Variants in MIB2 observed in about 807,000 individuals in gnomAD.
MIB2 encodes MIB E3 ubiquitin protein ligase 2.
A neutral mutation model predicts 96.6 loss-of-function variants in MIB2; 78 were observed. The observed-to-expected ratio is 0.81, with a 90% CI of 0.67 to 0.97. The LOEUF (loss-of-function observed/expected upper bound fraction) is 0.97. Among genes scored for constraint, MIB2 ranks in the 50% least tolerant of loss-of-function variants. The probability of loss-of-function intolerance (pLI) is 0.00; values close to 1 mark genes in which losing one functional copy is unlikely to be tolerated. For synonymous variants in MIB2, 820 were observed against 629.5 expected (o/e 1.30, Z -4.53); for missense variants, 1,543 against 1,424.0 (o/e 1.08, Z -1.35).
At position 1,628,147 on chromosome 1, in the gene MIB2, G is replaced by C. The variant is rs773906649; in HGVS notation, c.1809G>C (p.Leu603=). The change falls in exon 14 of 20, where the codon CTG becomes CTC. Residue 603 remains leucine, a synonymous_variant. Coordinates refer to ENST00000355826, the MANE Select transcript of MIB2 (RefSeq NM_001170687.4). ...CCACCAACAGCCAGGGTTTCACCCT[G>C]CTGCACCATGCCTCCCTCAAGGGTC... ...VTATNSQGFT[L]LHHASLKGHA... The C allele has an allele frequency of 1.9e-6, 3 of 1,613,314 alleles. No individual in the cohort carries two copies. The highest frequency in any genetic ancestry group is 1.7e-6 in the Non-Finnish European group (2 of 1,180,026).
At position 1,630,592 on chromosome 1, in the gene MIB2, GAA is replaced by G; in HGVS notation, c.*64_*65del. The G allele has an allele frequency of 2.2e-6, 3 of 1,339,144 alleles. No individual in the cohort carries two copies. The highest frequency in any genetic ancestry group is 1.5e-5 in the African/African-American group (1 of 65,686). The allele number at this position is 1,339,144 out of a possible 1,614,324, so 83.0% of individuals were successfully genotyped here. The stretch of plus-strand genomic sequence containing the variant: ...GCCCCCGCCCTGTGTTTTATAAAAA[GAA>G]AGATTCTCGGACGTTGCCTCTGCTG... On this transcript the variant is annotated 3_prime_UTR_variant, in exon 20 of 20. Coordinates refer to ENST00000355826, the MANE Select transcript of MIB2 (RefSeq NM_001170687.4).
At position 1,629,256 on chromosome 1, in the gene MIB2, C is replaced by T. The variant is rs1037089578; in HGVS notation, c.2326C>T (p.Leu776=). ...TNHRGRSPLD[L]AAEGRVLKAL... ...CCACCGCGGTCGGAGCCCGCTGGAC[C>T]TGGCCGCCGAGGGTCGCGTGCTCAA... Residue 776 remains leucine (L), a synonymous_variant, in exon 17 of 20, where the codon CTG becomes TTG. Coordinates refer to ENST00000355826, the MANE Select transcript of MIB2 (RefSeq NM_001170687.4). 3.9e-6 allele frequency: 6 copies of T among 1,545,686 alleles called. No homozygotes were observed. The highest frequency in any genetic ancestry group is 2.8e-5 in the African/African-American group (2 of 70,180).
chr1:1,629,761 C>T, intron 19 of MIB2, 57 bp downstream of exon 19: 1 of 1,489,918 alleles, frequency 6.7e-7, no homozygotes. Flanking sequence ...GCCCGCGGGT[C>T]CCCGTCCCCC....
rs543519928 is a variant in MIB2, at chr1:1,627,165, C to T, written c.1332C>T (p.Asn444=). Residue 444 remains asparagine (N), a synonymous_variant, in exon 11 of 20, where the codon AAC becomes AAT. Coordinates refer to ENST00000355826, the MANE Select transcript of MIB2 (RefSeq NM_001170687.4). ...TGGTGGTGGAGGTGGCGCTGGGTAA[C>T]GCAGCCCGGGCTCTGGACCTGCTGC... is the stretch of plus-strand genomic sequence containing the variant. ...GRLVVEVALG[N]AARALDLLRR... The T allele has an allele frequency of 8.3e-5, 132 of 1,590,400 alleles. No homozygotes were observed. Among genetic ancestry groups the T allele is most frequent in the Non-Finnish European group, 1.0e-4 (118 of 1,169,116 alleles).
At position 1,615,584 on chromosome 1, in the gene MIB2, G is replaced by C; in HGVS notation, c.-179G>C. ...GGCCTGGGAGCCCGAAGCCGTCCCC[G>C]AGTCGCTCCTAGGTCACTGGCGCGA... On this transcript the variant is annotated 5_prime_UTR_variant, in exon 1 of 20. Coordinates refer to ENST00000355826, the MANE Select transcript of MIB2 (RefSeq NM_001170687.4). 5.8e-6 allele frequency: 9 copies of C among 1,551,316 alleles called. No homozygotes were observed. Among genetic ancestry groups the C allele is most frequent in the Non-Finnish European group, 7.8e-6 (9 of 1,152,506 alleles).
Position 1,626,718 on chromosome 1 carries a change from G to A in MIB2, c.1041G>A (p.Gln347=), listed in dbSNP as rs771066464. The A allele has an allele frequency of 1.2e-6, 2 of 1,600,944 alleles. No individual in the cohort carries two copies. Among genetic ancestry groups the A allele is most frequent in the South Asian group, 1.1e-5 (1 of 89,812 alleles). The change falls in exon 9 of 20, where the codon CAG becomes CAA. Residue 347 remains glutamine (Q), a synonymous_variant. Coordinates refer to ENST00000355826, the MANE Select transcript of MIB2 (RefSeq NM_001170687.4). This position sits in a 1 kb window ranked among gnomAD's most constrained non-coding sequence, Gnocchi z 5.3. ...ACCTTGACACAGTGAAGCGGCTGCA[G>A]GCTGGGCATGGCGAGTGGACGGACG... ...IGDLDTVKRL[Q]AGHGEWTDDM...
chr1:1,625,543 C>T lies in MIB2; in HGVS notation c.865-3C>T. ...CCAGCCACAGCTCCATGACCCGCCA[C>T]AGTTTATCGGACAGACGGGCACCGT... On this transcript the variant is annotated splice_polypyrimidine_tract_variant and splice_region_variant and intron_variant, in intron 7 of 19. Coordinates refer to ENST00000355826, the MANE Select transcript of MIB2 (RefSeq NM_001170687.4). The surrounding 1 kb of genome is among the most constrained non-coding windows in gnomAD (Gnocchi z 5.0). 6.4e-7 allele frequency: 1 copy of T among 1,574,652 alleles called. No individual in the cohort carries two copies. The highest frequency in any genetic ancestry group is 8.6e-7 in the Non-Finnish European group (1 of 1,160,036).
In MIB2 at chr1:1,623,635, C is replaced by A; in HGVS notation, c.183C>A (p.Arg61=). The part of the protein sequence containing the change: ...TVVVQWDQGT[R]TNYRAGYQGA... ...TCGTGCAGTGGGACCAGGGCACGCG[C>A]ACCAACTACCGCGCCGGCTACCAGG... is the stretch of plus-strand genomic sequence containing the variant. The change falls in exon 3 of 20, where the codon CGC becomes CGA. Residue 61 remains arginine, a synonymous_variant. Transcript: ENST00000355826. 1 of 1,479,242 alleles carries A rather than the reference C, an allele frequency of 6.8e-7. No homozygotes were observed. The highest frequency in any genetic ancestry group is 2.4e-5 in the Admixed American group (1 of 42,232). 91.6% of individuals were successfully genotyped at this position (1,479,242 alleles called of 1,614,324 possible). A position where few individuals can be genotyped will look rare whatever the true frequency, so the allele number is the denominator to read the frequency against.
chr1:1,627,063 C>T lies in MIB2; in HGVS notation c.1241-11C>T. The T allele has an allele frequency of 4.4e-6, 7 of 1,600,672 alleles. No individual in the cohort carries two copies. The highest frequency in any genetic ancestry group is 1.7e-5 in the Admixed American group (1 of 58,186). Reference sequence around the variant, plus strand: ...GCCCCTGGCCACCACTAACCTCAGCCCTGCCCCCAGGCTCACTGAGCGTGG... The same window carrying T: ...GCCCCTGGCCACCACTAACCTCAGCTCTGCCCCCAGGCTCACTGAGCGTGG... On this transcript the variant is annotated splice_polypyrimidine_tract_variant and intron_variant, in intron 10 of 19. Transcript: ENST00000355826.
chr1:1,621,853 C>T (rs1644287410), intron 2 of MIB2, among the ~76,000 whole-genome samples: 1 of 152,248 alleles, frequency 6.6e-6, no homozygotes, highest in South Asian at 2.1e-4. Flanking sequence ...GCACTGGACT[C>T]AGTCTCCGGA....
chr1:1,616,857 C>T (rs987689897), intron 2 of MIB2: 41 of 443,712 alleles, frequency 9.2e-5, no homozygotes, highest in Middle Eastern at 1.2e-3. Flanking sequence ...AGCGCAGGAG[C>T]GCCGGCAAGC....
At chr1:1,617,197 CCA>C (rs1557552342) in intron 2 of MIB2, 4 of 153,174 alleles carry the variant, frequency 2.6e-5, no homozygotes, top group Admixed American at 2.0e-4. Context: ...CTGTGGCGTG[CCA>C]CACACAGCGG....
At chr1:1,617,323 A>G (rs1643842369) in intron 2 of MIB2, 1 of 152,296 alleles carries the variant, frequency 6.6e-6, no homozygotes, top group African/African-American at 2.4e-5. Flanking sequence ...TTCTCGCTAA[A>G]TAGGATTTGG....
At chr1:1,618,006 G>A (rs1569592966) in intron 2 of MIB2, 1 of 152,320 alleles carries the variant, frequency 6.6e-6, no homozygotes, top group Non-Finnish European at 1.5e-5. Flanking sequence ...GGAGGAGCAG[G>A]AGTGGCCACA....
At chr1:1,622,578 C>T (rs1043281517) in intron 2 of MIB2, among the ~76,000 whole-genome samples, 4 of 152,234 alleles carry the variant, frequency 2.6e-5, no homozygotes, top group Admixed American at 6.5e-5. Context: ...TGGCTACTTC[C>T]CTCCATCTGC....
In MIB2 at chr1:1,623,892, C is replaced by T. The variant is rs1644490023; in HGVS notation, c.366C>T (p.Asn122=). 1.2e-6 allele frequency: 2 copies of T among 1,612,156 alleles called. No individual in the cohort carries two copies. Among genetic ancestry groups the T allele is most frequent in the South Asian group, 1.1e-5 (1 of 91,028 alleles). ...TCTGCACGCAGTGCTACATGCACAACAAGCATGAGCTCGCCCACGCCTTCG... is the reference window on the plus strand; with the variant it reads ...TCTGCACGCAGTGCTACATGCACAATAAGCATGAGCTCGCCCACGCCTTCG... The part of the protein sequence containing the change: ...YDLCTQCYMH[N]KHELAHAFDR... The change falls in exon 4 of 20, where the codon AAC becomes AAT. Residue 122 remains asparagine, a synonymous_variant. Transcript: ENST00000355826.
At chr1:1,623,039 G>C (rs1447694540) in intron 2 of MIB2, 1 of 337,954 alleles carries the variant, frequency 3.0e-6, no homozygotes. Flanking sequence ...AACCATGTGA[G>C]TGTCTCGGGG....
chr1:1,625,570 C>T lies in MIB2; in HGVS notation c.889C>T (p.His297Tyr), dbSNP rs763022780. ...GTTTATCGGACAGACGGGCACCGTGCATCGTATCACGGACCGCGGGGACGT... is the reference window on the plus strand; with the variant it reads ...GTTTATCGGACAGACGGGCACCGTGTATCGTATCACGGACCGCGGGGACGT... The part of the protein sequence containing the change: ...AEFIGQTGTV[H>Y]RITDRGDVRV... Residue 297 changes from histidine to tyrosine, a missense_variant, in exon 8 of 20, where the codon CAT (histidine) becomes TAT (tyrosine). Physicochemically the swap from His to Tyr is moderately conservative, Grantham distance 83. Transcript: ENST00000355826. The surrounding 1 kb of genome is among the most constrained non-coding windows in gnomAD (Gnocchi z 5.0). The T allele has an allele frequency of 1.9e-6, 3 of 1,584,806 alleles. No homozygotes were observed. The highest frequency in any genetic ancestry group is 1.1e-5 in the South Asian group (1 of 87,140).
Position 1,629,433 on chromosome 1 carries a change from C to G in MIB2, c.2430C>G (p.Leu810=), listed in dbSNP as rs554031169. ...CGGCCCCGGGCCCCAGGCAAACGCT[C>G]GGGACCCCCAACACCGTGACGAACC... is the stretch of plus-strand genomic sequence containing the variant. ...GGAAPGPRQT[L]GTPNTVTNLH... The change falls in exon 18 of 20, where the codon CTC becomes CTG. Residue 810 remains leucine (L), a synonymous_variant. Coordinates refer to ENST00000355826, the MANE Select transcript of MIB2 (RefSeq NM_001170687.4). The G allele has an allele frequency of 3.5e-5, 53 of 1,506,950 alleles. No individual in the cohort carries two copies. The African/African-American group carries it at 7.2e-4, about 21-fold the overall frequency. The allele number at this position is 1,506,950 out of a possible 1,614,324, so 93.3% of individuals were successfully genotyped here. A position where few individuals can be genotyped will look rare whatever the true frequency, so the allele number is the denominator to read the frequency against.
Sources: gnomAD v4.1 joint callset for allele counts (sites outside exome capture counted in the v4.1 genomes callset) on GRCh38, gnomAD v4.1.1 for gene constraint, Gnocchi (gnomAD v3.1) non-coding constraint, MANE v1.5 for transcripts, NCBI Gene and HGNC (gene_info 2026-07-23, HGNC 2026-07-21) for gene names.